The following TET3 variants were observed in gnomAD, a reference collection of about 807,000 sequenced individuals.
TET3 encodes the protein methylcytosine dioxygenase TET3.
TET3 carries 19 observed loss-of-function variants against 141.4 expected under a neutral mutation model. The ratio of observed to expected loss-of-function variants is 0.13; its 90% CI spans 0.09 to 0.20. The LOEUF is 0.20. Ranked by LOEUF, TET3 falls within the 10% of genes least tolerant of loss-of-function variation. The probability of loss-of-function intolerance (pLI) is 1.00; values close to 1 mark genes in which losing one functional copy is unlikely to be tolerated. For synonymous variants in TET3, 1,043 were observed against 980.9 expected (o/e 1.06, Z -1.18); for missense variants, 1,874 against 2,356.9 (o/e 0.80, Z 4.24).
downstream of TET3, among the ~76,000 whole-genome samples, chr2:74,109,951 T>C (rs918142810): frequency 6.6e-6 from 1 of 152,204 alleles, no homozygotes; most frequent in Non-Finnish European, 1.5e-5. Flanking sequence ...ATTGTGTGAT[T>C]TGATGAGGGT....
intron 3 of TET3, among the ~76,000 whole-genome samples, chr2:74,031,179 A>G (rs1174970516): frequency 1.3e-5 from 2 of 151,976 alleles, no homozygotes; most frequent in East Asian, 3.9e-4. Flanking sequence ...GCATGGGGCG[A>G]TGGAGAGCAG....
chr2:74,045,852 C>T (rs1223873196), intron 3 of TET3, among the ~76,000 whole-genome samples: 2 of 152,214 alleles, frequency 1.3e-5, no homozygotes, highest in African/African-American at 4.8e-5. Context: ...ACACTTCACA[C>T]TTAGAGCACG....
At chr2:73,996,777 G>A (rs374558118) in intron 2 of TET3, among the ~76,000 whole-genome samples, 1 of 152,222 alleles carries the variant, frequency 6.6e-6, no homozygotes, top group East Asian at 1.9e-4. Flanking sequence ...CCAAAGTGCT[G>A]GGATTACAGG....
chr2:74,100,424 A>G lies in TET3; in HGVS notation c.3636A>G (p.Gln1212=). ...CTCTGAAGGGTGGATTGTCCCAGCA[A>G]GGCCTGAAGCCCTCCCTCAAGGTGG... The part of the protein sequence containing the change: ...GLSLKGGLSQ[Q]GLKPSLKVEP... Residue 1212 remains glutamine, a synonymous_variant, in exon 12 of 12, where the codon CAA becomes CAG. Transcript: ENST00000409262. The G allele has an allele frequency of 6.4e-7, 1 of 1,571,102 alleles. No homozygotes were observed. Among genetic ancestry groups the G allele is most frequent in the Non-Finnish European group, 8.6e-7 (1 of 1,158,326 alleles).
At chr2:74,072,962 G>A (rs1165443008) in intron 4 of TET3, among the ~76,000 whole-genome samples, 1 of 152,172 alleles carries the variant, frequency 6.6e-6, no homozygotes, top group African/African-American at 2.4e-5. Flanking sequence ...TCTGTCATGT[G>A]GACATACGCA....
chr2:74,095,512 T>TA (rs1469051280), intron 10 of TET3, among the ~76,000 whole-genome samples: 1 of 152,218 alleles, frequency 6.6e-6, no homozygotes, highest in Admixed American at 6.5e-5. Context: ...TAAATAATAT[T>TA]AAAAAGGTTG....
At chr2:74,080,643 G>C in intron 6 of TET3, 52 bp downstream of exon 6, 1 of 1,484,840 alleles carries the variant, frequency 6.7e-7, no homozygotes, top group Non-Finnish European at 9.1e-7. Context: ...TCCCCTTGCT[G>C]CATGGCCACG....
At chr2:74,071,905 G>A (rs7592749) in intron 4 of TET3, among the ~76,000 whole-genome samples, 51,193 of 152,046 alleles carry the variant, frequency 0.34, 9,697 homozygotes, top group African/African-American at 0.51. Flanking sequence ...ATGTTGTTAC[G>A]TGAATGGTTG....
Position 74,064,614 on chromosome 2 carries a change from T to C in TET3, c.2495-8935T>C, listed in dbSNP as rs199902544. On this transcript the variant is annotated intron_variant, in intron 4 of 11. Coordinates refer to ENST00000409262, the MANE Select transcript of TET3 (RefSeq NM_001287491.2). The stretch of plus-strand genomic sequence containing the variant: ...TTTTGGTAGAGGTGGGGTTTCACCA[T>C]GTTGCCCAGGCTGGGCTCAAGCAAT... Among the ~76,000 whole-genome samples, 4 of 152,286 alleles carry C rather than the reference T, an allele frequency of 2.6e-5. No individual in the cohort carries two copies. The East Asian group carries it at 7.7e-4, about 29-fold the overall frequency.
Position 74,092,911 on chromosome 2 carries a change from C to A in TET3, c.3049C>A (p.Leu1017Ile). ...GCCCCTCTCTCTGCAGGAAGAAGTG[C>A]TCCGGAAGAGTTTCCAGGACCTGGC... ...AGDNPKEEEVLRKSFQDLATE... is the reference protein window; with the variant it reads ...AGDNPKEEEVIRKSFQDLATE... Residue 1017 changes from leucine to isoleucine, a missense_variant, in exon 9 of 12, where the codon CTC becomes ATC. By Grantham distance (5) the Leu-to-Ile change is conservative. This residue lies in a region of TET3 where 126 missense variants were observed against 327.4 expected (regional missense o/e 0.38). Transcript: ENST00000409262. The A allele has an allele frequency of 6.3e-7, 1 of 1,588,420 alleles. No individual in the cohort carries two copies. Among genetic ancestry groups the A allele is most frequent in the Non-Finnish European group, 8.6e-7 (1 of 1,167,470 alleles).
At chr2:73,992,174 G>A (rs1684359626) in intron 2 of TET3, among the ~76,000 whole-genome samples, 1 of 152,116 alleles carries the variant, frequency 6.6e-6, no homozygotes, top group East Asian at 1.9e-4. Flanking sequence ...CAGACACTGG[G>A]TCCCTGTGGT....
rs773689592 is a variant in TET3 at position 74,101,655 on chromosome 2, A to AAGGAGGAGAAGGGCGGTGGTGGTGC, written c.4868_4892dup (p.Glu1632GlyfsTer20). The AAGGAGGAGAAGGGCGGTGGTGGTGC allele has an allele frequency of 6.2e-7, 1 of 1,613,552 alleles. No homozygotes were observed. The highest frequency in any genetic ancestry group is 8.5e-7 in the Non-Finnish European group (1 of 1,179,788). ...GGAGCCCCCCAGCAAGGGAGCGGTG[A>AAGGAGGAGAAGGGCGGTGGTGGTGC]AGGAGGAGAAGGGCGGTGGTGGTGC... On this transcript the variant is annotated frameshift_variant, in exon 12 of 12. Coordinates refer to ENST00000409262, the MANE Select transcript of TET3 (RefSeq NM_001287491.2). LOFTEE classifies it high-confidence loss of function. This position sits in a 1 kb window ranked among gnomAD's most constrained non-coding sequence, Gnocchi z 8.5.
At chr2:74,089,862 G>T in intron 7 of TET3, 35 bp from the exon 8 acceptor site, 1 of 1,611,048 alleles carries the variant, frequency 6.2e-7, no homozygotes, top group Non-Finnish European at 8.5e-7. Context: ...AAGGGATATT[G>T]CATCTATATC....
At chr2:74,122,476 T>TAAATAC in the TET3 span, 3 of 128,560 alleles carry the variant, frequency 2.3e-5, no homozygotes, top group Non-Finnish European at 3.2e-5. Context: ...TGTGTGTGTA[T>TAAATAC]ATATAAATAC....
intron 2 of TET3, chr2:74,002,841 G>C (rs1239972888): frequency 5.6e-5 from 32 of 571,586 alleles, no homozygotes; most frequent in Non-Finnish European, 6.9e-5. Flanking sequence ...GCGGACGCGG[G>C]CCGGGGGTCG....
chr2:74,117,376 C>G, the TET3 span, among the ~76,000 whole-genome samples: 1 of 151,460 alleles, frequency 6.6e-6, no homozygotes, highest in Non-Finnish European at 1.5e-5. Context: ...CATGCCCGGC[C>G]TATTTTATTA....
intron 3 of TET3, among the ~76,000 whole-genome samples, chr2:74,003,970 C>T (rs922706361): frequency 6.6e-6 from 1 of 152,112 alleles, no homozygotes; most frequent in East Asian, 1.9e-4. Flanking sequence ...CAGTAGGTTT[C>T]CTTGAGCTTG....
rs145893709 is a variant in TET3 at position 74,096,144 on chromosome 2, C to T, written c.3267+2478C>T. On this transcript the variant is annotated intron_variant, in intron 10 of 11. Coordinates refer to ENST00000409262, the MANE Select transcript of TET3 (RefSeq NM_001287491.2). The stretch of plus-strand genomic sequence containing the variant: ...TCTCTTGTAGGAAATACAGCTTCTG[C>T]CACATCTTATCTTTTGGATTTTCCC... Among the ~76,000 whole-genome samples the T allele has an allele frequency of 7.8e-4, 118 of 152,238 alleles. 1 individual carries two copies. Among genetic ancestry groups the T allele is most frequent in the Middle Eastern group, 3.4e-3 (1 of 294 alleles).
intron 10 of TET3, among the ~76,000 whole-genome samples, chr2:74,095,203 C>T (rs549025108): frequency 5.3e-5 from 8 of 152,132 alleles, no homozygotes; most frequent in Non-Finnish European, 1.0e-4. Context: ...GGACCCACCT[C>T]GGGATTTCAT....
Sources: allele counts gnomAD v4.1 joint callset (sites outside exome capture counted in the v4.1 genomes callset), GRCh38; gene constraint gnomAD v4.1.1; regional missense constraint gnomAD v4.1.1; non-coding constraint Gnocchi (gnomAD v3.1); transcripts MANE v1.5; gene names NCBI Gene and HGNC (gene_info 2026-07-23, HGNC 2026-07-21).